Variants in ZNF804B observed in about 807,000 individuals in gnomAD.
ZNF804B encodes the protein zinc finger 804B.
Under a neutral mutation model 101.4 loss-of-function variants are expected in ZNF804B, and 80 were observed. The ratio of observed to expected loss-of-function variants is 0.79; its 90% CI spans 0.66 to 0.95. The LOEUF (loss-of-function observed/expected upper bound fraction) is 0.95, where lower values mean the gene tolerates loss of function less well. Among genes scored for constraint, ZNF804B ranks in the 40% least tolerant of loss-of-function variants. The probability of loss-of-function intolerance (pLI) is 0.00; values close to 1 mark genes in which losing one functional copy is unlikely to be tolerated. For synonymous variants in ZNF804B, 622 were observed against 558.8 expected (o/e 1.11, Z -1.59); for missense variants, 1,673 against 1,561.9 (o/e 1.07, Z -1.20).
intron 1 of ZNF804B, among the ~76,000 whole-genome samples, chr7:89,150,319 A>G (rs1320055561): frequency 6.6e-6 from 1 of 152,030 alleles, no homozygotes; most frequent in East Asian, 1.9e-4. Context: ...CTACTGTAAT[A>G]TGTATTGTTG....
intron 1 of ZNF804B, among the ~76,000 whole-genome samples, chr7:88,839,317 C>T (rs1036802717): frequency 3.3e-5 from 5 of 151,890 alleles, no homozygotes; most frequent in African/African-American, 9.7e-5. Flanking sequence ...GCTTTATATA[C>T]CTTTTTATAT....
chr7:89,155,995 CTT>C (rs1432128395), intron 1 of ZNF804B, among the ~76,000 whole-genome samples: 7 of 128,142 alleles, frequency 5.5e-5, no homozygotes, highest in African/African-American at 1.7e-4. Context: ...TCCTTTCCTT[CTT>C]TCTTTCTTTC....
intron 1 of ZNF804B, among the ~76,000 whole-genome samples, chr7:88,926,812 T>A (rs1792806795): frequency 6.6e-6 from 1 of 152,138 alleles, no homozygotes; most frequent in Non-Finnish European, 1.5e-5. Context: ...AGCTTCCGAA[T>A]TACCCTTACA....
chr7:88,878,505 T>TA lies in ZNF804B; in HGVS notation c.108+118422dup, dbSNP rs1399082204. 2.0e-5 allele frequency among the ~76,000 whole-genome samples: 3 copies of TA among 152,174 alleles called. No individual in the cohort carries two copies. The East Asian group carries it at 5.8e-4, about 29-fold the overall frequency. On this transcript the variant is annotated intron_variant, in intron 1 of 3. Transcript: ENST00000333190. Reference sequence around the variant, plus strand: ...AAGGGTGTCTGCCTGATGAGAATGGTATAGGAATCAAGAGTAAACATAAGT... The same window carrying TA: ...AAGGGTGTCTGCCTGATGAGAATGGTAATAGGAATCAAGAGTAAACATAAGT...
intron 2 of ZNF804B, among the ~76,000 whole-genome samples, chr7:89,266,708 C>T (rs1177955219): frequency 6.6e-6 from 1 of 152,126 alleles, no homozygotes; most frequent in East Asian, 1.9e-4. Context: ...ATTTTATCCA[C>T]ATATGCTTTC....
chr7:89,167,278 A>T (rs534587559), intron 1 of ZNF804B, among the ~76,000 whole-genome samples: 23 of 147,658 alleles, frequency 1.6e-4, no homozygotes, highest in African/African-American at 5.6e-4. Flanking sequence ...TCTGCTAAAA[A>T]TTAAAAAAAA....
intron 1 of ZNF804B, among the ~76,000 whole-genome samples, chr7:89,047,571 A>G (rs1420075891): frequency 6.6e-6 from 1 of 152,206 alleles, no homozygotes; most frequent in Admixed American, 6.5e-5. Context: ...GAAGAATAAG[A>G]TAGTAATTTA....
At chr7:88,966,963 CTT>C (rs201888421) in intron 1 of ZNF804B, among the ~76,000 whole-genome samples, 3 of 141,884 alleles carry the variant, frequency 2.1e-5, no homozygotes, top group Middle Eastern at 3.7e-3. Context: ...GAATTCTGGA[CTT>C]TTTTTTTTTT....
chr7:88,843,556 T>C (rs939680475), intron 1 of ZNF804B, among the ~76,000 whole-genome samples: 2 of 151,914 alleles, frequency 1.3e-5, no homozygotes, highest in Non-Finnish European at 2.9e-5. Context: ...GCTAACACGG[T>C]CAAACCCCGT....
intron 1 of ZNF804B, among the ~76,000 whole-genome samples, chr7:88,824,735 A>G (rs964344997): frequency 1.3e-5 from 2 of 150,494 alleles, no homozygotes; most frequent in African/African-American, 4.9e-5. Flanking sequence ...TTGATTTCAA[A>G]CATTGCATCT....
intron 1 of ZNF804B, among the ~76,000 whole-genome samples, chr7:89,099,550 G>A (rs4551269): frequency 6.6e-6 from 1 of 152,110 alleles, no homozygotes; most frequent in African/African-American, 2.4e-5. Flanking sequence ...TCGCAGTTCA[G>A]GTAGACGGTG....
At chr7:89,122,746 T>A (rs77990808) in intron 1 of ZNF804B, among the ~76,000 whole-genome samples, 3,274 of 152,260 alleles carry the variant, frequency 0.022, 122 homozygotes, top group African/African-American at 0.075. Context: ...ATTCTCCATC[T>A]TTTCTCTCTT....
chr7:89,039,350 T>C (rs189460878), intron 1 of ZNF804B, among the ~76,000 whole-genome samples: 1 of 152,160 alleles, frequency 6.6e-6, no homozygotes, highest in East Asian at 1.9e-4. Flanking sequence ...TGGGTTATCT[T>C]TCCATTATTT....
chr7:89,238,765 G>A (rs919848597), intron 2 of ZNF804B, among the ~76,000 whole-genome samples: 1 of 152,126 alleles, frequency 6.6e-6, no homozygotes, highest in Non-Finnish European at 1.5e-5. Flanking sequence ...CACACATTAA[G>A]GAACTAGTGA....
Position 89,335,965 on chromosome 7 carries a change from A to G in ZNF804B, c.2983A>G (p.Ser995Gly), listed in dbSNP as rs200828576. ...AAGTGAGAGCAGAAATGATCAAGAC[A>G]GTGCAATTCCAAGGACTACGGAGAA... ...YASESRNDQD[S>G]AIPRTTEKDK... Residue 995 changes from serine to glycine, a missense_variant, in exon 4 of 4, where the codon AGT becomes GGT. Physicochemically the swap from Ser to Gly is moderately conservative, Grantham distance 56 (BLOSUM62 0). Transcript: ENST00000333190. 1.9e-6 allele frequency: 3 copies of G among 1,614,004 alleles called. No homozygotes were observed. Among genetic ancestry groups the G allele is most frequent in the East Asian group, 2.2e-5 (1 of 44,894 alleles).
At chr7:88,883,018 T>TA (rs1280455248) in intron 1 of ZNF804B, among the ~76,000 whole-genome samples, 1 of 151,950 alleles carries the variant, frequency 6.6e-6, no homozygotes, top group Non-Finnish European at 1.5e-5. Context: ...AAATTGAAAT[T>TA]AAAAAATGTC....
intron 1 of ZNF804B, among the ~76,000 whole-genome samples, chr7:89,044,582 A>G (rs1226693739): frequency 6.6e-6 from 1 of 152,172 alleles, no homozygotes; most frequent in Non-Finnish European, 1.5e-5. Context: ...AAATGCTGAT[A>G]GCGACATGGA....
intron 1 of ZNF804B, among the ~76,000 whole-genome samples, chr7:88,909,691 C>T (rs545979320): frequency 2.0e-5 from 3 of 151,620 alleles, no homozygotes; most frequent in Non-Finnish European, 4.4e-5. Context: ...TATTTCCTAG[C>T]AATCAATTTA....
chr7:88,789,930 G>C (rs375250018), intron 1 of ZNF804B, among the ~76,000 whole-genome samples: 1 of 152,066 alleles, frequency 6.6e-6, no homozygotes, highest in African/African-American at 2.4e-5. Context: ...ATAGTAGAAT[G>C]TTAGAATTCA....
Sources: gnomAD v4.1 joint callset for allele counts (sites outside exome capture counted in the v4.1 genomes callset) on GRCh38, gnomAD v4.1.1 for gene constraint, MANE v1.5 for transcripts, NCBI Gene and HGNC (gene_info 2026-07-23, HGNC 2026-07-21) for gene names.